THSD7B: variants seen among roughly 807,000 people sequenced by gnomAD.
THSD7B encodes the protein thrombospondin type 1 domain containing 7B.
THSD7B carries 138 observed loss-of-function variants against 213.6 expected under a neutral mutation model. The ratio of observed to expected loss-of-function variants is 0.65; its 90% CI spans 0.56 to 0.74. THSD7B has a LOEUF of 0.74. Ranked by LOEUF, THSD7B falls within the 30% of genes least tolerant of loss-of-function variation. The pLI, the probability that THSD7B is intolerant of heterozygous loss-of-function variation, is 0.00. For missense variants in THSD7B, 1,931 were observed against 1,991.5 expected (o/e 0.97, Z 0.58); for synonymous variants, 742 against 687.0 (o/e 1.08, Z -1.25).
chr2:136,961,728 C>T (rs184000560), intron 2 of THSD7B, among the ~76,000 whole-genome samples: 4 of 152,062 alleles, frequency 2.6e-5, no homozygotes, highest in Admixed American at 2.0e-4. Flanking sequence ...ATGTGGCCTT[C>T]GCATGAACGG....
At chr2:137,654,095 T>C (rs1390877854) in intron 21 of THSD7B, among the ~76,000 whole-genome samples, 2 of 152,162 alleles carry the variant, frequency 1.3e-5, no homozygotes, top group African/African-American at 4.8e-5. Context: ...AATTTAACTG[T>C]TGGTTTTCTT....
intron 1 of THSD7B, among the ~76,000 whole-genome samples, chr2:136,828,252 T>C (rs879880317): frequency 6.6e-6 from 1 of 152,200 alleles, no homozygotes; most frequent in Non-Finnish European, 1.5e-5. Flanking sequence ...GCCTTTTCTA[T>C]GTTTCTTTCT....
At chr2:137,301,478 T>C (rs1264831748) in intron 12 of THSD7B, among the ~76,000 whole-genome samples, 1 of 152,116 alleles carries the variant, frequency 6.6e-6, no homozygotes, top group East Asian at 1.9e-4. Context: ...ATGGATAGTA[T>C]ATGATATCGG....
chr2:137,056,342 GTTAA>G, intron 2 of THSD7B, 74 bp from the exon 3 acceptor site: 1 of 1,414,822 alleles, frequency 7.1e-7, no homozygotes. Context: ...TGGAAAGTGT[GTTAA>G]TTGACTTCTA....
intron 3 of THSD7B, among the ~76,000 whole-genome samples, chr2:137,092,214 A>G (rs929673767): frequency 5.9e-5 from 9 of 152,124 alleles, no homozygotes; most frequent in African/African-American, 2.2e-4. Context: ...GGAGCTCAAG[A>G]CCAGCCTGGG....
At chr2:136,820,801 G>A (rs560776772) in intron 1 of THSD7B, among the ~76,000 whole-genome samples, 45 of 152,234 alleles carry the variant, frequency 3.0e-4, no homozygotes, top group African/African-American at 9.6e-4. Context: ...GTATTTGAAA[G>A]TAAAACATTA....
intron 1 of THSD7B, among the ~76,000 whole-genome samples, chr2:136,769,129 C>G (rs190479084): frequency 1.8e-3 from 276 of 152,222 alleles, no homozygotes; most frequent in African/African-American, 6.5e-3. Context: ...GTAGGATGTT[C>G]ATGGGTGGTT....
At chr2:136,901,215 A>T (rs1405191093) in intron 2 of THSD7B, among the ~76,000 whole-genome samples, 1 of 152,212 alleles carries the variant, frequency 6.6e-6, no homozygotes. Flanking sequence ...TATGTGTCAG[A>T]TGCTGTGCTG....
At chr2:136,854,888 T>C (rs189395396) in intron 1 of THSD7B, among the ~76,000 whole-genome samples, 2 of 152,082 alleles carry the variant, frequency 1.3e-5, no homozygotes, top group Admixed American at 1.3e-4. Context: ...CCCCATGTTT[T>C]CCTATAAGCC....
intron 15 of THSD7B, among the ~76,000 whole-genome samples, chr2:137,536,292 G>A (rs1680506075): frequency 6.6e-6 from 1 of 151,280 alleles, no homozygotes. Flanking sequence ...CCAAATCTGT[G>A]GTACTGTCTG....
At chr2:137,491,255 C>T (rs1435819603) in intron 15 of THSD7B, among the ~76,000 whole-genome samples, 4 of 152,086 alleles carry the variant, frequency 2.6e-5, no homozygotes, top group African/African-American at 7.2e-5. Flanking sequence ...TCCTTTTTTC[C>T]CCTTAGCTAG....
At chr2:137,309,533 T>G (rs1229029748) in intron 12 of THSD7B, among the ~76,000 whole-genome samples, 1 of 151,816 alleles carries the variant, frequency 6.6e-6, no homozygotes, top group African/African-American at 2.4e-5. Context: ...TACTTTAAGT[T>G]TTAGGGTACA....
At chr2:137,400,927 C>T (rs1000428053) in intron 12 of THSD7B, among the ~76,000 whole-genome samples, 1 of 152,156 alleles carries the variant, frequency 6.6e-6, no homozygotes, top group Admixed American at 6.5e-5. Context: ...GGGCATTTGC[C>T]AGCCCTGATG....
intron 17 of THSD7B, among the ~76,000 whole-genome samples, chr2:137,605,880 A>G (rs1682166728): frequency 6.6e-6 from 1 of 151,938 alleles, no homozygotes; most frequent in South Asian, 2.1e-4. Flanking sequence ...CGTGTTAGCC[A>G]GGATGGTCTC....
intron 1 of THSD7B, among the ~76,000 whole-genome samples, chr2:136,833,553 G>A (rs1432198737): frequency 6.6e-6 from 1 of 151,000 alleles, no homozygotes; most frequent in Non-Finnish European, 1.5e-5. Flanking sequence ...GGTCAAGTGT[G>A]GGTCATATAA....
At chr2:137,466,642 C>T (rs1687996074) in intron 15 of THSD7B, among the ~76,000 whole-genome samples, 1 of 152,132 alleles carries the variant, frequency 6.6e-6, no homozygotes, top group Non-Finnish European at 1.5e-5. Flanking sequence ...AGCTGCTTTA[C>T]CTTTTTCAAA....
chr2:137,305,915 G>A (rs902305832), intron 12 of THSD7B, among the ~76,000 whole-genome samples: 18 of 152,140 alleles, frequency 1.2e-4, no homozygotes, highest in Admixed American at 9.8e-4. Flanking sequence ...GCATGTTACT[G>A]TACTGAATAC....
intron 1 of THSD7B, among the ~76,000 whole-genome samples, chr2:136,852,324 A>T (rs1683110745): frequency 6.6e-6 from 1 of 152,058 alleles, no homozygotes; most frequent in African/African-American, 2.4e-5. Flanking sequence ...AAAACAAAAC[A>T]AAACAAAACA....
chr2:137,071,162 A>T (rs957515848), intron 3 of THSD7B, among the ~76,000 whole-genome samples: 2 of 152,214 alleles, frequency 1.3e-5, no homozygotes, highest in Admixed American at 6.5e-5. Flanking sequence ...TGGTTGAACT[A>T]GTTTACAGTC....
Sources: allele counts gnomAD v4.1 joint callset (sites outside exome capture counted in the v4.1 genomes callset), GRCh38; gene constraint gnomAD v4.1.1; transcripts MANE v1.5; gene names NCBI Gene and HGNC (gene_info 2026-07-23, HGNC 2026-07-21).